Variants in XG observed in about 807,000 individuals in gnomAD.
XG encodes the protein glycoprotein Xg.
A neutral mutation model predicts 25.7 loss-of-function variants in XG; 24 were observed. The ratio of observed to expected loss-of-function variants is 0.93; its 90% confidence interval spans 0.68 to 1.31. The LOEUF is 1.31. XG is among the 40% of genes most tolerant of loss of function. XG has a pLI of 0.00. For synonymous variants in XG, 77 were observed against 69.2 expected (o/e 1.11, Z -0.56); for missense variants, 181 against 187.6 (o/e 0.96, Z 0.21).
chrX:2,752,425 G>A (rs1201770735), intron 1 of XG, 90 bp downstream of exon 1: 7 of 1,567,736 alleles, frequency 4.5e-6, no homozygotes, highest in East Asian at 2.2e-5. Flanking sequence ...GAGTTGCTAT[G>A]AAGTGAATGG....
intron 7 of XG, among the ~76,000 whole-genome samples, chrX:2,802,549 T>A (rs2086954525): frequency 9.1e-6 from 1 of 110,190 alleles, no homozygotes; most frequent in African/African-American, 3.3e-5. Context: ...GACCCGGGCG[T>A]GGGGAGTGCT....
At chrX:2,805,662 C>T (rs1300549743) in intron 7 of XG, among the ~76,000 whole-genome samples, 1 of 110,928 alleles carries the variant, frequency 9.0e-6, no homozygotes, top group Non-Finnish European at 1.9e-5. Context: ...TGAGGCCTCC[C>T]TCCTTGGCTT....
chrX:2,769,180 C>G (rs1277448326), intron 1 of XG, among the ~76,000 whole-genome samples: 2 of 152,352 alleles, frequency 1.3e-5, no homozygotes, highest in Admixed American at 6.5e-5. Context: ...ACAGCCTATA[C>G]GAATCTATGT....
In XG at chrX:2,794,591, C is replaced by T. The variant is rs759454030; in HGVS notation, c.310C>T (p.Arg104Trp). The T allele has an allele frequency of 9.9e-6, 12 of 1,209,457 alleles. No homozygotes were observed. The highest frequency in any genetic ancestry group is 1.3e-5 in the Non-Finnish European group (12 of 894,924). ...ACGCTACCCGCCCAGGCCCAGGCCA[C>T]GGCCGCCTGCAGGTAGGTGCCGAGC... ...DGRYPPRPRP[R>W]PPAGGGGGGY... The change falls in exon 6 of 11, where the codon CGG becomes TGG. Residue 104 changes from arginine to tryptophan, a missense_variant. Physicochemically the swap from Arg to Trp is moderately radical, Grantham distance 101. Coordinates refer to ENST00000644266, the MANE Select transcript of XG (RefSeq NM_001141919.2).
At chrX:2,786,547 T>C (rs1376233968) in intron 4 of XG, among the ~76,000 whole-genome samples, 1 of 110,101 alleles carries the variant, frequency 9.1e-6, no homozygotes, top group African/African-American at 3.3e-5. Context: ...GGATTACAGG[T>C]GTGAGCCACT....
rs756973302 is a variant in XG, at chrX:2,754,291, G to C, written c.61+1956G>C. 7.9e-5 allele frequency among the ~76,000 whole-genome samples: 12 copies of C among 152,162 alleles called. No individual in the cohort carries two copies. The South Asian group carries it at 1.0e-3, about 13-fold the overall frequency. On this transcript the variant is annotated intron_variant, in intron 1 of 10. Transcript: ENST00000644266. Reference sequence around the variant, plus strand: ...TTTTTAAAACTTTTTGTAGAGACGGGATCTCACTATGTTGTCCAGGCTGGA... The same window carrying C: ...TTTTTAAAACTTTTTGTAGAGACGGCATCTCACTATGTTGTCCAGGCTGGA...
At chrX:2,778,532 A>T (rs2051050318) in intron 3 of XG, among the ~76,000 whole-genome samples, 1 of 152,014 alleles carries the variant, frequency 6.6e-6, no homozygotes, top group Admixed American at 6.6e-5. Context: ...ACAGAGCAAG[A>T]CCCTGTCTCA....
chrX:2,801,615 C>T (rs976603741), intron 7 of XG, among the ~76,000 whole-genome samples: 2 of 112,015 alleles, frequency 1.8e-5, no homozygotes, highest in Non-Finnish European at 3.8e-5. Flanking sequence ...ATGAAGCTGC[C>T]ATCTTGAACG....
At chrX:2,757,654 GT>G (rs1331743163) in intron 1 of XG, among the ~76,000 whole-genome samples, 8 of 151,916 alleles carry the variant, frequency 5.3e-5, no homozygotes, top group African/African-American at 1.9e-4. Context: ...AGGCTGTTTA[GT>G]TTACTTCTAA....
At chrX:2,771,770 A>G (rs1458556964) in intron 2 of XG, among the ~76,000 whole-genome samples, 4 of 152,228 alleles carry the variant, frequency 2.6e-5, no homozygotes, top group Non-Finnish European at 5.9e-5. Context: ...CTAAAAAGCC[A>G]ACAACAAGAT....
At chrX:2,775,845 A>G (rs928016721) in intron 3 of XG, among the ~76,000 whole-genome samples, 1 of 150,698 alleles carries the variant, frequency 6.6e-6, no homozygotes, top group African/African-American at 2.4e-5. Context: ...AATCCCAGCT[A>G]CTCGGGAGGC....
chrX:2,807,559 G>A (rs2087013420), intron 8 of XG, among the ~76,000 whole-genome samples: 1 of 111,510 alleles, frequency 9.0e-6, no homozygotes, highest in African/African-American at 3.3e-5. Flanking sequence ...TGTATGTTTA[G>A]GCGAATTGTG....
At chrX:2,765,023 A>C (rs1009324731) in intron 1 of XG, among the ~76,000 whole-genome samples, 2 of 116,418 alleles carry the variant, frequency 1.7e-5, no homozygotes, top group African/African-American at 6.8e-5. Flanking sequence ...CCTGGGCAAC[A>C]TAGTGAGATT....
chrX:2,773,486 G>A (rs768040899), intron 2 of XG, among the ~76,000 whole-genome samples: 1 of 127,746 alleles, frequency 7.8e-6, no homozygotes, highest in African/African-American at 3.3e-5. Flanking sequence ...AGAGAGGGAA[G>A]GAAGGAAGGA....
intron 1 of XG, among the ~76,000 whole-genome samples, chrX:2,768,683 G>A (rs1363880762): frequency 6.6e-6 from 1 of 152,176 alleles, no homozygotes; most frequent in Non-Finnish European, 1.5e-5. Flanking sequence ...CACAAGAATC[G>A]TTTGAACCCA....
chrX:2,758,656 C>T (rs34737836), intron 1 of XG, among the ~76,000 whole-genome samples: 5 of 152,210 alleles, frequency 3.3e-5, no homozygotes, highest in Admixed American at 2.0e-4. Flanking sequence ...TGAGGCTTTG[C>T]GTTGCCACAC....
rs143003919 is a variant in XG at position 2,782,122 on chromosome X, G to A, written c.184G>A (p.Gly62Ser). The change falls in exon 4 of 11, where the codon GGT (glycine) becomes AGT (serine). Residue 62 changes from glycine (G) to serine (S), a missense_variant. Transcript: ENST00000644266. ...CCCACAGCCCGAGAATCCCGACAGCGGTGGAAGTAAGAATCCGCAGGCCTG... is the reference window on the plus strand; with the variant it reads ...CCCACAGCCCGAGAATCCCGACAGCAGTGGAAGTAAGAATCCGCAGGCCTG... ...YYPQPENPDSGGNIYPRPKPR... is the reference protein window; with the variant it reads ...YYPQPENPDSSGNIYPRPKPR... The A allele has an allele frequency of 1.5e-5, 18 of 1,210,107 alleles. No individual in the cohort carries two copies. Among genetic ancestry groups the A allele is most frequent in the Middle Eastern group, 2.3e-4 (1 of 4,375 alleles).
intron 6 of XG, among the ~76,000 whole-genome samples, chrX:2,795,308 AT>A (rs1400201532): frequency 2.8e-5 from 3 of 107,634 alleles, no homozygotes; most frequent in African/African-American, 1.0e-4. Flanking sequence ...ATACATATAC[AT>A]TTTATATACA....
At chrX:2,792,822 C>A (rs1183657510) in intron 5 of XG, among the ~76,000 whole-genome samples, 1 of 111,297 alleles carries the variant, frequency 9.0e-6, no homozygotes, top group Non-Finnish European at 1.9e-5. Context: ...GGGGCACTCA[C>A]TTACCGGCAG....
Sources: gnomAD v4.1 joint callset for allele counts (sites outside exome capture counted in the v4.1 genomes callset) on GRCh38, gnomAD v4.1.1 for gene constraint, MANE v1.5 for transcripts, NCBI Gene and HGNC (gene_info 2026-07-23, HGNC 2026-07-21) for gene names.